The following ME3 variants were observed in gnomAD, a reference collection of about 807,000 sequenced individuals.
ME3 encodes the protein NADP-dependent malic enzyme, mitochondrial.
Under a neutral mutation model 68.9 loss-of-function variants are expected in ME3, and 48 were observed. That is an observed-to-expected ratio of 0.70 (90% CI 0.55 to 0.89). The LOEUF is 0.89. Ranked by LOEUF, ME3 falls within the 40% of genes least tolerant of loss-of-function variation. The probability of loss-of-function intolerance (pLI) is 0.00; values close to 1 mark genes in which losing one functional copy is unlikely to be tolerated. For missense variants in ME3, 675 were observed against 797.4 expected (o/e 0.85, Z 1.85); for synonymous variants, 320 against 318.8 (o/e 1.00, Z -0.04).
chr11:86,558,312 TG>T (rs1957032416), intron 3 of ME3, among the ~76,000 whole-genome samples: 1 of 152,190 alleles, frequency 6.6e-6, no homozygotes, highest in Admixed American at 6.5e-5. Context: ...TTGATTTCAT[TG>T]TGTAATTTCT....
At position 86,470,757 on chromosome 11, in the gene ME3, C is replaced by A. The variant is rs529465330; in HGVS notation, c.810-5557G>T. On this transcript the variant is annotated intron_variant, in intron 7 of 14. Coordinates refer to ENST00000543262, the Ensembl canonical transcript of ME3. ...GATTCAGGGCGAGGCCATCTCTCCCCAGGATTACTGCCATTGCTGCTTCTG... is the reference window on the plus strand; with the variant it reads ...GATTCAGGGCGAGGCCATCTCTCCCAAGGATTACTGCCATTGCTGCTTCTG... Among the ~76,000 whole-genome samples the A allele has an allele frequency of 6.0e-4, 91 of 152,288 alleles. 1 individual carries two copies. The highest frequency in any genetic ancestry group is 6.8e-3 in the Middle Eastern group (2 of 294).
intron 2 of ME3, among the ~76,000 whole-genome samples, chr11:86,586,193 T>G (rs764073934): frequency 6.6e-6 from 1 of 152,178 alleles, no homozygotes; most frequent in Non-Finnish European, 1.5e-5. Flanking sequence ...CTTCCAGGTA[T>G]AGGGGCAAAC....
At chr11:86,560,702 A>ATGTGTGTGTGTGTG (rs1957163076) in intron 2 of ME3, among the ~76,000 whole-genome samples, 1 of 54,484 alleles carries the variant, frequency 1.8e-5, no homozygotes, top group Non-Finnish European at 4.0e-5. Flanking sequence ...GTATATAATG[A>ATGTGTGTGTGTGTG]TATGTGTGTG....
intron 2 of ME3, among the ~76,000 whole-genome samples, chr11:86,567,243 A>AAGGAAGG (rs1957534175): frequency 1.4e-5 from 2 of 144,464 alleles, no homozygotes; most frequent in South Asian, 2.4e-4. Flanking sequence ...GAAAAGAAAG[A>AAGGAAGG]AAGGAAGGAA....
intron 13 of ME3, among the ~76,000 whole-genome samples, chr11:86,445,580 C>A (rs1949238940): frequency 6.6e-6 from 1 of 152,226 alleles, no homozygotes; most frequent in Admixed American, 6.5e-5. Context: ...TCAACAGAGA[C>A]ATTTCTATGC....
chr11:86,664,496 T>A (rs563924431), intron 2 of ME3, among the ~76,000 whole-genome samples: 1 of 152,336 alleles, frequency 6.6e-6, no homozygotes, highest in African/African-American at 2.4e-5. Flanking sequence ...TTTCTGAGTA[T>A]CATCTTCAGG....
intron 4 of ME3, among the ~76,000 whole-genome samples, chr11:86,533,765 T>C (rs911747664): frequency 6.6e-6 from 1 of 152,186 alleles, no homozygotes; most frequent in Admixed American, 6.5e-5. Context: ...AGTGGATGTA[T>C]GTTTTGGAAA....
At chr11:86,672,041 C>G (rs896809242) in intron 1 of ME3, 83 bp from the exon 2 acceptor site, 2 of 1,136,054 alleles carry the variant, frequency 1.8e-6, no homozygotes. Context: ...GGGCCTGATC[C>G]GGGGACGCGC....
intron 6 of ME3, among the ~76,000 whole-genome samples, chr11:86,496,158 C>A (rs1229076886): frequency 6.6e-6 from 1 of 152,100 alleles, no homozygotes; most frequent in African/African-American, 2.4e-5. Context: ...GCAATCTCAG[C>A]ACTTTGGGAG....
At chr11:86,464,336 A>G (rs764259423) in intron 8 of ME3, among the ~76,000 whole-genome samples, 8 of 152,236 alleles carry the variant, frequency 5.3e-5, no homozygotes, top group Non-Finnish European at 1.0e-4. Flanking sequence ...CTTCTAGATC[A>G]AGTGAGATGA....
chr11:86,568,998 A>C, intron 2 of ME3, among the ~76,000 whole-genome samples: 1 of 152,186 alleles, frequency 6.6e-6, no homozygotes, highest in East Asian at 1.9e-4. Context: ...TTATTAAATG[A>C]AGTGCTGCCC....
At chr11:86,490,390 G>C (rs953676141) in intron 6 of ME3, among the ~76,000 whole-genome samples, 4 of 152,090 alleles carry the variant, frequency 2.6e-5, no homozygotes, top group African/African-American at 9.7e-5. Context: ...CAGTAGGGGG[G>C]ACCTAAAGGG....
chr11:86,635,287 C>T (rs975913513), intron 2 of ME3, among the ~76,000 whole-genome samples: 1 of 152,162 alleles, frequency 6.6e-6, no homozygotes, highest in Non-Finnish European at 1.5e-5. Flanking sequence ...TTTCTCTCTC[C>T]ACCTGCATAC....
At position 86,529,207 on chromosome 11, in the gene ME3, C is replaced by T. The variant is rs1220467195; in HGVS notation, c.468-20340G>A. Among the ~76,000 whole-genome samples the T allele has an allele frequency of 7.9e-5, 12 of 152,190 alleles. No homozygotes were observed. The East Asian group carries it at 2.3e-3, about 29-fold the overall frequency. ...CCAATCCCACAGAAATACAAACTAC[C>T]ATCAGAGAATACTACAAACACCTCT... On this transcript the variant is annotated intron_variant, in intron 4 of 14. Coordinates refer to ENST00000543262, the Ensembl canonical transcript of ME3.
downstream of ME3, chr11:86,437,427 T>C (rs760154133): frequency 5.9e-5 from 9 of 152,194 alleles, no homozygotes; most frequent in Non-Finnish European, 1.3e-4. Context: ...TGTTCTTCTT[T>C]ATAATTTTTT....
At chr11:86,672,210 C>T (rs1033368315) in intron 1 of ME3, 114 bp downstream of exon 1, 6 of 408,176 alleles carry the variant, frequency 1.5e-5, no homozygotes, top group Non-Finnish European at 2.6e-5. Context: ...GGGTGACAGC[C>T]GGCGCCACCC....
chr11:86,456,022 C>G (rs1348685859), intron 8 of ME3, among the ~76,000 whole-genome samples: 1 of 152,228 alleles, frequency 6.6e-6, no homozygotes, highest in Non-Finnish European at 1.5e-5. Context: ...TGCCTCCCTC[C>G]AAGTAACTCC....
intron 4 of ME3, among the ~76,000 whole-genome samples, chr11:86,526,647 T>A (rs1451837189): frequency 6.6e-6 from 1 of 152,206 alleles, no homozygotes; most frequent in Non-Finnish European, 1.5e-5. Context: ...CTCACATGGC[T>A]GGGTACCCCT....
intron 2 of ME3, among the ~76,000 whole-genome samples, chr11:86,640,411 G>A (rs983268136): frequency 6.6e-6 from 1 of 152,236 alleles, no homozygotes; most frequent in African/African-American, 2.4e-5. Context: ...GCTGCACAGG[G>A]TGACTATCAT....
Sources: gnomAD v4.1 joint callset for allele counts (sites outside exome capture counted in the v4.1 genomes callset) on GRCh38, gnomAD v4.1.1 for gene constraint, MANE v1.5 for transcripts, NCBI Gene and HGNC (gene_info 2026-07-23, HGNC 2026-07-21) for gene names.